The following UNC5C variants were observed in gnomAD, a reference collection of about 807,000 sequenced individuals.
The protein encoded by UNC5C is netrin receptor UNC5C.
UNC5C carries 47 observed loss-of-function variants against 99.8 expected under a neutral mutation model. The observed-to-expected ratio is 0.47, with a 90% CI of 0.37 to 0.60. The LOEUF (loss-of-function observed/expected upper bound fraction) is 0.60. UNC5C is among the 20% of genes least tolerant of loss of function. The pLI is 0.00. For missense variants in UNC5C, 1,062 were observed against 1,165.9 expected, an observed-to-expected ratio of 0.91 and a Z score of 1.30; for synonymous variants, 487 against 452.2, an observed-to-expected ratio of 1.08 and a Z score of -0.98.
At chr4:95,226,447 A>G (rs777622446) in intron 7 of UNC5C, among the ~76,000 whole-genome samples, 2 of 152,196 alleles carry the variant, frequency 1.3e-5, no homozygotes, top group Admixed American at 6.5e-5. Flanking sequence ...AATGACATTG[A>G]TATAATTATG....
At chr4:95,304,714 G>A (rs930920278) in intron 2 of UNC5C, among the ~76,000 whole-genome samples, 4 of 152,162 alleles carry the variant, frequency 2.6e-5, no homozygotes, top group African/African-American at 7.2e-5. Context: ...AGTCACCAAA[G>A]GGCTGATAAA....
intron 2 of UNC5C, among the ~76,000 whole-genome samples, chr4:95,313,679 A>G (rs1035785419): frequency 3.0e-4 from 46 of 152,180 alleles, no homozygotes; most frequent in Admixed American, 2.2e-3. Context: ...CACACATAGT[A>G]TGTTCTATTG....
intron 1 of UNC5C, among the ~76,000 whole-genome samples, chr4:95,378,601 G>A (rs2149441044): frequency 6.6e-6 from 1 of 152,210 alleles, no homozygotes. Flanking sequence ...CCAGTACATG[G>A]CATACCATAG....
chr4:95,380,869 G>A (rs1347041357), intron 1 of UNC5C, among the ~76,000 whole-genome samples: 2 of 152,090 alleles, frequency 1.3e-5, no homozygotes, highest in Non-Finnish European at 2.9e-5. Context: ...CCTCATTACA[G>A]AAAGGATGGC....
intron 1 of UNC5C, among the ~76,000 whole-genome samples, chr4:95,457,309 A>C (rs1055973690): frequency 3.3e-5 from 5 of 152,116 alleles, no homozygotes; most frequent in African/African-American, 1.2e-4. Context: ...TATAGGGTAC[A>C]GATTTGTCTA....
At chr4:95,332,170 C>T (rs1017729077) in intron 2 of UNC5C, among the ~76,000 whole-genome samples, 4 of 152,108 alleles carry the variant, frequency 2.6e-5, no homozygotes, top group African/African-American at 7.2e-5. Context: ...GATTCAGTGC[C>T]ATCCCCATCA....
At chr4:95,438,797 A>C (rs1241729763) in intron 1 of UNC5C, among the ~76,000 whole-genome samples, 1 of 152,140 alleles carries the variant, frequency 6.6e-6, no homozygotes, top group Non-Finnish European at 1.5e-5. Context: ...GCATTCCTAA[A>C]CAGCTGATTT....
At chr4:95,407,414 G>T (rs1052195780) in intron 1 of UNC5C, among the ~76,000 whole-genome samples, 2 of 151,998 alleles carry the variant, frequency 1.3e-5, no homozygotes, top group Non-Finnish European at 2.9e-5. Context: ...TAGAGGCAGG[G>T]CAGTGGGCAG....
chr4:95,320,907 A>G (rs866213727), intron 2 of UNC5C, among the ~76,000 whole-genome samples: 3 of 152,198 alleles, frequency 2.0e-5, no homozygotes, highest in Middle Eastern at 3.2e-3. Flanking sequence ...CCTTGCCCTA[A>G]GTGTTAATTG....
At position 95,502,957 on chromosome 4, in the gene UNC5C, C is replaced by T. The variant is rs576093357; in HGVS notation, c.124+45777G>A. ...CCTTACATTTGCTCTTTGTCCATTA[C>T]AAAATTTACTCTTTTAACTTTTATT... On this transcript the variant is annotated intron_variant, in intron 1 of 15. Transcript: ENST00000453304. Among the ~76,000 whole-genome samples the T allele has an allele frequency of 7.2e-5, 11 of 152,224 alleles. No individual in the cohort carries two copies. In the South Asian group the frequency reaches 2.3e-3, roughly 32 times the overall value.
intron 1 of UNC5C, among the ~76,000 whole-genome samples, chr4:95,387,718 T>C (rs1490747027): frequency 6.6e-6 from 1 of 152,244 alleles, no homozygotes; most frequent in Non-Finnish European, 1.5e-5. Flanking sequence ...TTTTTCTTTT[T>C]GCCTGTAATA....
chr4:95,318,221 C>G (rs1422065845), intron 2 of UNC5C, among the ~76,000 whole-genome samples: 1 of 151,984 alleles, frequency 6.6e-6, no homozygotes, highest in African/African-American at 2.4e-5. Flanking sequence ...GGAAGAGACA[C>G]ACAGAGAGGA....
chr4:95,369,590 A>G (rs1416407134), intron 1 of UNC5C, among the ~76,000 whole-genome samples: 2 of 152,082 alleles, frequency 1.3e-5, no homozygotes, highest in African/African-American at 4.8e-5. Context: ...AAATATTCCA[A>G]GTGTACTAAA....
chr4:95,441,234 G>A (rs1197870397), intron 1 of UNC5C, among the ~76,000 whole-genome samples: 1 of 152,098 alleles, frequency 6.6e-6, no homozygotes, highest in Non-Finnish European at 1.5e-5. Flanking sequence ...TTTGTGTCAT[G>A]TTTCTATTCA....
intron 1 of UNC5C, among the ~76,000 whole-genome samples, chr4:95,446,522 G>GGGATTGACGGACC (rs1351078498): frequency 0.015 from 2,216 of 152,276 alleles, 50 homozygotes; most frequent in African/African-American, 0.051. Flanking sequence ...CAGACAATGG[G>GGGATTGACGGACC]AGCAAGGGTA....
rs139378325 is a variant in UNC5C, at chr4:95,299,371, A to G, written c.490+2235T>C. Among the ~76,000 whole-genome samples the G allele has an allele frequency of 2.7e-3, 416 of 152,312 alleles. 1 individual carries two copies. Among genetic ancestry groups the G allele is most frequent in the African/African-American group, 9.6e-3 (399 of 41,562 alleles). On this transcript the variant is annotated intron_variant, in intron 3 of 15. Transcript: ENST00000453304. Reference sequence around the variant, plus strand: ...TGCACTTCCAGCCTTCAGAACTGTGAGAAAATAAATTTCTATTGTTTAAGC... The same window carrying G: ...TGCACTTCCAGCCTTCAGAACTGTGGGAAAATAAATTTCTATTGTTTAAGC...
intron 1 of UNC5C, among the ~76,000 whole-genome samples, chr4:95,455,953 A>G (rs1747414084): frequency 6.6e-6 from 1 of 152,242 alleles, no homozygotes; most frequent in African/African-American, 2.4e-5. Context: ...GATTAAATTT[A>G]CCAGTGTCTG....
At chr4:95,546,681 C>A (rs1723078804) in intron 1 of UNC5C, among the ~76,000 whole-genome samples, 1 of 152,274 alleles carries the variant, frequency 6.6e-6, no homozygotes, top group East Asian at 1.9e-4. Context: ...CTTTAACTTG[C>A]CTACGCTACA....
At chr4:95,451,761 AAC>A (rs1747284890) in intron 1 of UNC5C, among the ~76,000 whole-genome samples, 1 of 152,204 alleles carries the variant, frequency 6.6e-6, no homozygotes, top group African/African-American at 2.4e-5. Flanking sequence ...TCTTTTGATA[AAC>A]ACCTCTCTTT....
Sources: gnomAD v4.1 joint callset for allele counts (sites outside exome capture counted in the v4.1 genomes callset) on GRCh38, gnomAD v4.1.1 for gene constraint, MANE v1.5 for transcripts, NCBI Gene and HGNC (gene_info 2026-07-23, HGNC 2026-07-21) for gene names.